The following SOD2 variants were observed in gnomAD, a reference collection of about 807,000 sequenced individuals.
SOD2 encodes the protein superoxide dismutase [Mn], mitochondrial.
In SOD2, 11 loss-of-function variants were observed where a neutral mutation model predicts 27.0. That is an observed-to-expected ratio of 0.41 (90% confidence interval 0.26 to 0.67). The LOEUF (loss-of-function observed/expected upper bound fraction) is 0.67, where lower values mean the gene tolerates loss of function less well. Among genes scored for constraint, SOD2 ranks in the 30% least tolerant of loss-of-function variants. SOD2 has a pLI of 0.34. For missense variants in SOD2, 250 were observed against 274.5 expected, an observed-to-expected ratio of 0.91 and a Z score of 0.63; for synonymous variants, 105 against 103.0, an observed-to-expected ratio of 1.02 and a Z score of -0.12.
rs1779845052 is a variant in SOD2 at position 159,679,142 on chromosome 6, A to G, written c.*3351T>C. Reference sequence around the variant, plus strand: ...TTGATGGTTGACAGATTCTTTTATTAACAGTCAAAAACTTCACACAATTGG... The same window carrying G: ...TTGATGGTTGACAGATTCTTTTATTGACAGTCAAAAACTTCACACAATTGG... On this transcript the variant is annotated 3_prime_UTR_variant, in exon 5 of 5. Coordinates refer to ENST00000538183, the MANE Select transcript of SOD2 (RefSeq NM_000636.4). The G allele has an allele frequency of 6.6e-6, 1 of 152,218 alleles. No individual in the cohort carries two copies. The highest frequency in any genetic ancestry group is 1.5e-5 in the Non-Finnish European group (1 of 68,036). 9.4% of individuals were successfully genotyped at this position (152,218 alleles called of 1,614,324 possible). A position where few individuals can be genotyped will look rare whatever the true frequency, so the allele number is the denominator to read the frequency against.
chr6:159,752,862 T>C (rs1301789800), intron 1 of SOD2, among the ~76,000 whole-genome samples: 1 of 152,176 alleles, frequency 6.6e-6, no homozygotes, highest in Non-Finnish European at 1.5e-5. Flanking sequence ...ACCTCAGCCT[T>C]TCCAGAGGCT....
At chr6:159,755,675 T>G in intron 1 of SOD2, 1 of 1,384,730 alleles carries the variant, frequency 7.2e-7, no homozygotes, top group Non-Finnish European at 9.3e-7. Context: ...TCCAGAAAAT[T>G]AATGCATACT....
chr6:159,719,531 C>A (rs938914114), intron 1 of SOD2, among the ~76,000 whole-genome samples: 24 of 149,286 alleles, frequency 1.6e-4, no homozygotes, highest in Middle Eastern at 6.9e-3. Context: ...GAGGCTGAGA[C>A]AGGAGGATCA....
intron 3 of SOD2, among the ~76,000 whole-genome samples, 171 bp downstream of exon 3, chr6:159,687,955 G>A (rs1045630265): frequency 4.8e-4 from 73 of 152,136 alleles, no homozygotes; most frequent in African/African-American, 1.5e-3. Context: ...AGGTTGCAGT[G>A]AGCCAAGACT....
intron 2 of SOD2, chr6:159,691,658 TAC>T (rs1777201005): frequency 6.6e-6 from 1 of 150,576 alleles, no homozygotes; most frequent in Admixed American, 6.7e-5. Flanking sequence ...AACATTCCCA[TAC>T]ACACCCCCAA....
intron 2 of SOD2, among the ~76,000 whole-genome samples, chr6:159,689,468 G>C (rs1780348482): frequency 6.6e-6 from 1 of 152,144 alleles, no homozygotes; most frequent in African/African-American, 2.4e-5. Context: ...ATGCCTTCAA[G>C]AAGCTACAGA....
chr6:159,687,751 GT>G lies in SOD2; in HGVS notation c.343+374del, dbSNP rs532712998. On this transcript the variant is annotated intron_variant, in intron 3 of 4. Transcript: ENST00000538183. ...AGGCCAGGCACGGTGGCTCATGCCTGTAATCCCAGCACTTTGGGAGGCCAAG... is the reference window on the plus strand; with the variant it reads ...AGGCCAGGCACGGTGGCTCATGCCTGAATCCCAGCACTTTGGGAGGCCAAG... 4.3e-4 allele frequency among the ~76,000 whole-genome samples: 66 copies of G among 152,142 alleles called. 1 individual carries two copies. In the South Asian group the frequency reaches 8.9e-3, roughly 21 times the overall value.
chr6:159,676,127 G>C lies in SOD2; in HGVS notation c.*6366C>G, dbSNP rs1477322526. The C allele has an allele frequency of 6.6e-6, 1 of 152,176 alleles. No homozygotes were observed. Among genetic ancestry groups the C allele is most frequent in the Non-Finnish European group, 1.5e-5 (1 of 68,028 alleles). 9.4% of individuals were successfully genotyped at this position (152,176 alleles called of 1,614,324 possible). On this transcript the variant is annotated 3_prime_UTR_variant, in exon 5 of 5. Transcript: ENST00000538183. Reference sequence around the variant, plus strand: ...TGCTGGAGAGGATGTGGAGAAATAGGAACACTTTTACACTGGTGGTGGGAC... The same window carrying C: ...TGCTGGAGAGGATGTGGAGAAATAGCAACACTTTTACACTGGTGGTGGGAC...
At chr6:159,749,649 G>A (rs1779751754), upstream of SOD2, among the ~76,000 whole-genome samples, 1 of 152,124 alleles carries the variant, frequency 6.6e-6, no homozygotes, top group Admixed American at 6.5e-5. Context: ...CTTTGTCCCA[G>A]GGTATTGCAG....
rs1201873855 is a variant in SOD2 at position 159,678,089 on chromosome 6, C to G, written c.*4404G>C. ...AATGGTAATGCTGACATAATGAAGC[C>G]TCCGTAAAACCCCAAAGGGTCGGGG... On this transcript the variant is annotated 3_prime_UTR_variant, in exon 5 of 5. Coordinates refer to ENST00000538183, the MANE Select transcript of SOD2 (RefSeq NM_000636.4). 6.6e-6 allele frequency: 1 copy of G among 152,162 alleles called. No individual in the cohort carries two copies. The highest frequency in any genetic ancestry group is 6.6e-5 in the Admixed American group (1 of 15,256). 9.4% of individuals were successfully genotyped at this position (152,162 alleles called of 1,614,324 possible). A position where few individuals can be genotyped will look rare whatever the true frequency, so the allele number is the denominator to read the frequency against.
At chr6:159,717,028 C>T (rs1777932729) in intron 1 of SOD2, among the ~76,000 whole-genome samples, 1 of 152,174 alleles carries the variant, frequency 6.6e-6, no homozygotes, top group Non-Finnish European at 1.5e-5. Flanking sequence ...TTTCAGAAAG[C>T]TGCTATTATT....
chr6:159,713,706 G>T, intron 1 of SOD2: 1 of 895,980 alleles, frequency 1.1e-6, no homozygotes, highest in Non-Finnish European at 1.9e-6. Flanking sequence ...TGTGTGCTTC[G>T]ATACCCAATC....
intron 3 of SOD2, among the ~76,000 whole-genome samples, chr6:159,687,043 T>C (rs1377046573): frequency 6.6e-6 from 1 of 152,162 alleles, no homozygotes; most frequent in East Asian, 1.9e-4. Flanking sequence ...AACTGACTTT[T>C]TATCAGTTAG....
chr6:159,726,039 C>G (rs915148526), intron 1 of SOD2: 1 of 152,226 alleles, frequency 6.6e-6, no homozygotes, highest in African/African-American at 2.4e-5. Context: ...CTGCAATAAC[C>G]TTGTATACCT....
In SOD2 at chr6:159,670,977, G is replaced by A. The variant is rs751922409; in HGVS notation, c.*11516C>T. The stretch of plus-strand genomic sequence containing the variant: ...TAGCTCGGAGGGTCCCACGCCCATG[G>A]AGCCTTGCTCATTGCTAGCACAGCA... On this transcript the variant is annotated 3_prime_UTR_variant, in exon 5 of 5. Coordinates refer to ENST00000538183, the MANE Select transcript of SOD2 (RefSeq NM_000636.4). The A allele has an allele frequency of 2.0e-5, 3 of 152,440 alleles. No homozygotes were observed. The highest frequency in any genetic ancestry group is 6.5e-5 in the Admixed American group (1 of 15,286). The allele number at this position is 152,440 out of a possible 1,614,324, so 9.4% of individuals were successfully genotyped here. A position where few individuals can be genotyped will look rare whatever the true frequency, so the allele number is the denominator to read the frequency against.
At chr6:159,747,886 C>T (rs1321418734), upstream of SOD2, among the ~76,000 whole-genome samples, 1 of 57,416 alleles carries the variant, frequency 1.7e-5, no homozygotes, top group African/African-American at 5.1e-5. Flanking sequence ...AAGTGAGTAA[C>T]CTTAAATAGT....
upstream of SOD2, among the ~76,000 whole-genome samples, chr6:159,698,021 T>C (rs1483613555): frequency 6.6e-6 from 1 of 152,204 alleles, no homozygotes; most frequent in African/African-American, 2.4e-5. Context: ...ACGCCTATAA[T>C]CCCAGGACTT....
At chr6:159,741,394 A>T (rs1200218920) in intron 1 of SOD2, among the ~76,000 whole-genome samples, 1 of 152,224 alleles carries the variant, frequency 6.6e-6, no homozygotes, top group African/African-American at 2.4e-5. Context: ...GAAGAGTCAC[A>T]TGGTATTTTC....
intron 1 of SOD2, chr6:159,713,294 G>A: frequency 1.5e-6 from 1 of 663,956 alleles, no homozygotes; most frequent in South Asian, 1.9e-5. Context: ...TCCACCATAG[G>A]GACCCTGCCT....
Sources: gnomAD v4.1 joint callset for allele counts (sites outside exome capture counted in the v4.1 genomes callset) on GRCh38, gnomAD v4.1.1 for gene constraint, MANE v1.5 for transcripts, NCBI Gene and HGNC (gene_info 2026-07-23, HGNC 2026-07-21) for gene names.